STAB1: variants seen among roughly 807,000 people sequenced by gnomAD.
STAB1 encodes the protein stabilin 1, also known as stabilin-1.
A neutral mutation model predicts 332.4 loss-of-function variants in STAB1; 250 were observed. The ratio of observed to expected loss-of-function variants is 0.75; its 90% confidence interval spans 0.68 to 0.84. STAB1 has a LOEUF of 0.84. STAB1 is among the 40% of genes least tolerant of loss of function. The pLI is 0.00. For missense variants in STAB1, 3,249 were observed against 3,489.7 expected (o/e 0.93, Z 1.74); for synonymous variants, 1,475 against 1,390.4 (o/e 1.06, Z -1.35).
rs762823296 is a variant in STAB1, at chr3:52,517,634, C to A, written c.4638+10C>A. ...GGACCCCTGCTCTAAGGTCAGGACC[C>A]TAGTCCTGTCCTCCTTCACTGACGA... On this transcript the variant is annotated intron_variant, in intron 44 of 68. Transcript: ENST00000321725. 8.7e-6 allele frequency: 14 copies of A among 1,611,458 alleles called. No individual in the cohort carries two copies. The East Asian group carries it at 3.1e-4, about 36-fold the overall frequency.
chr3:52,518,058 T>C, intron 45 of STAB1, 55 bp downstream of exon 45: 1 of 1,554,600 alleles, frequency 6.4e-7, no homozygotes, highest in African/African-American at 1.4e-5. Flanking sequence ...CCCATGGGCC[T>C]GACCCATGGT....
chr3:52,520,827 C>A lies in STAB1; in HGVS notation c.5730C>A (p.Arg1910=). 1 of 1,612,724 alleles carries A rather than the reference C, an allele frequency of 6.2e-7. No individual in the cohort carries two copies. Among genetic ancestry groups the A allele is most frequent in the East Asian group, 2.2e-5 (1 of 44,898 alleles). ...AGGGCAGCCCTGAGGCCTGCTGGCG[C>A]TTCTACCCGAAGTTCTGGACGTCCC... ...QEQGSPEACW[R]FYPKFWTSPP... Residue 1910 remains arginine (R), a synonymous_variant, in exon 55 of 69, where the codon CGC becomes CGA. Coordinates refer to ENST00000321725, the MANE Select transcript of STAB1 (RefSeq NM_015136.3).
intron 65 of STAB1, 28 bp downstream of exon 65, chr3:52,523,604 T>C: frequency 6.2e-7 from 1 of 1,612,748 alleles, no homozygotes; most frequent in South Asian, 1.1e-5. Context: ...CCCACCCTGT[T>C]GGCCCTGGCC....
At chr3:52,506,271 G>C (rs1406921105) in intron 17 of STAB1, 21 bp downstream of exon 17, 8 of 1,600,530 alleles carry the variant, frequency 5.0e-6, no homozygotes, top group Non-Finnish European at 6.0e-6. Context: ...CGGACACCTG[G>C]GCGGATGGTG....
At position 52,514,587 on chromosome 3, in the gene STAB1, A is replaced by G. The variant is rs948850592; in HGVS notation, c.3678+91A>G. 21 of 1,556,194 alleles carry G rather than the reference A, an allele frequency of 1.3e-5. No homozygotes were observed. The Admixed American group carries it at 2.8e-4, about 21-fold the overall frequency. On this transcript the variant is annotated intron_variant, in intron 34 of 68. Coordinates refer to ENST00000321725, the MANE Select transcript of STAB1 (RefSeq NM_015136.3). Reference sequence around the variant, plus strand: ...GGAGTTTCCCTAGCTGTGAGCCTCCAACCTCTAACCTCTGCTCCAGGGAGC... The same window carrying G: ...GGAGTTTCCCTAGCTGTGAGCCTCCGACCTCTAACCTCTGCTCCAGGGAGC...
chr3:52,522,241 G>T lies in STAB1; in HGVS notation c.6465+11G>T, dbSNP rs778107472. On this transcript the variant is annotated intron_variant, in intron 59 of 68. Coordinates refer to ENST00000321725, the MANE Select transcript of STAB1 (RefSeq NM_015136.3). Reference sequence around the variant, plus strand: ...TTGAGCACCGGCCTGGTGAGCAGGTGGGGGAACCGAGTAGCCAGGGTGGGG... The same window carrying T: ...TTGAGCACCGGCCTGGTGAGCAGGTTGGGGAACCGAGTAGCCAGGGTGGGG... 1 of 1,612,138 alleles carries T rather than the reference G, an allele frequency of 6.2e-7. No individual in the cohort carries two copies.
intron 18 of STAB1, among the ~76,000 whole-genome samples, chr3:52,507,286 C>G (rs1708947775): frequency 6.6e-6 from 1 of 152,214 alleles, no homozygotes; most frequent in Non-Finnish European, 1.5e-5. Flanking sequence ...CTCAGGTGAT[C>G]CGCCCACCTC....
In STAB1 at chr3:52,513,930, G is replaced by A. The variant is rs1313882511; in HGVS notation, c.3396G>A (p.Leu1132=). ...ATGTGCCCGGTGGGCAGGGGTTGCT[G>A]CAGCAGCTGGACTTGGTGCCTGCCT... ...RGDVPGGQGL[L]QQLDLVPAFS... Residue 1132 remains leucine, a synonymous_variant, in exon 32 of 69, where the codon CTG becomes CTA. Transcript: ENST00000321725. The A allele has an allele frequency of 1.2e-6, 2 of 1,605,708 alleles. No homozygotes were observed. Among genetic ancestry groups the A allele is most frequent in the Non-Finnish European group, 1.7e-6 (2 of 1,174,520 alleles).
rs370672550 is a variant in STAB1 at position 52,510,529 on chromosome 3, G to A, written c.2787+22G>A. On this transcript the variant is annotated intron_variant, in intron 25 of 68. Transcript: ENST00000321725. ...GCAGGTGAGGTGCAGCAGAGAAGGG[G>A]TGGGGGCCTTGGTTCTGGGGGACTC... 71 of 1,606,686 alleles carry A rather than the reference G, an allele frequency of 4.4e-5. 1 individual carries two copies. In the African/African-American group the frequency reaches 7.5e-4, roughly 17 times the overall value.
At position 52,510,053 on chromosome 3, in the gene STAB1, C is replaced by T. The variant is rs774258494; in HGVS notation, c.2531C>T (p.Ala844Val). The T allele has an allele frequency of 1.2e-6, 2 of 1,609,988 alleles. No individual in the cohort carries two copies. The highest frequency in any genetic ancestry group is 1.7e-6 in the Non-Finnish European group (2 of 1,177,698). ...HARCVSQEGV[A>V]RCRCLDGFEG... Reference sequence around the variant, plus strand: ...CGCTGTGTTAGCCAGGAGGGTGTTGCCAGGTGAGGACCCACACCTTCTGTC... The same window carrying T: ...CGCTGTGTTAGCCAGGAGGGTGTTGTCAGGTGAGGACCCACACCTTCTGTC... Residue 844 changes from alanine to valine, a missense_variant, in exon 23 of 69, where the codon GCC (alanine) becomes GTC (valine). Transcript: ENST00000321725.
intron 45 of STAB1, 34 bp downstream of exon 45, chr3:52,518,037 C>G (rs1035419056): frequency 1.3e-5 from 21 of 1,577,364 alleles, no homozygotes; most frequent in African/African-American, 5.5e-5. Flanking sequence ...CTGATCTGGT[C>G]TTGGCTGTGC....
chr3:52,519,710 C>T, intron 50 of STAB1, 146 bp downstream of exon 50: 2 of 1,271,152 alleles, frequency 1.6e-6, no homozygotes, highest in Non-Finnish European at 2.2e-6. Flanking sequence ...GCACAAGCCA[C>T]ATCTGTGTGC....
At chr3:52,501,945 G>T in intron 3 of STAB1, 61 bp from the exon 4 acceptor site, 1 of 1,596,180 alleles carries the variant, frequency 6.3e-7, no homozygotes. Flanking sequence ...GGCCAGAGCT[G>T]CTGGGGTCAG....
In STAB1 at chr3:52,510,438, C is replaced by T. The variant is rs371806620; in HGVS notation, c.2718C>T (p.Asp906=). 4.4e-5 allele frequency: 71 copies of T among 1,613,670 alleles called. No homozygotes were observed. Among genetic ancestry groups the T allele is most frequent in the Admixed American group, 2.7e-4 (16 of 60,006 alleles). ...SGDGRVCVAI[D]ECELDMRGGC... ...ATGGCCGCGTCTGTGTGGCTATTGA[C>T]GAGTGTGAGCTGGACATGAGAGGTG... The change falls in exon 25 of 69, where the codon GAC becomes GAT. Residue 906 remains aspartate (D), a synonymous_variant. Transcript: ENST00000321725.
chr3:52,520,395 T>G lies in STAB1; in HGVS notation c.5500-5T>G. On this transcript the variant is annotated splice_region_variant and splice_polypyrimidine_tract_variant and intron_variant, in intron 52 of 68. Coordinates refer to ENST00000321725, the MANE Select transcript of STAB1 (RefSeq NM_015136.3). Reference sequence around the variant, plus strand: ...CCTTGCATACCTCATATTCTCTCCTTGCAGGGTGAGCTCATGGTGGGTGAG... The same window carrying G: ...CCTTGCATACCTCATATTCTCTCCTGGCAGGGTGAGCTCATGGTGGGTGAG... The G allele has an allele frequency of 1.9e-6, 3 of 1,611,894 alleles. No individual in the cohort carries two copies. The highest frequency in any genetic ancestry group is 2.5e-6 in the Non-Finnish European group (3 of 1,179,050).
intron 6 of STAB1, 97 bp downstream of exon 6, chr3:52,502,824 A>G: frequency 7.2e-7 from 1 of 1,382,274 alleles, no homozygotes; most frequent in South Asian, 1.3e-5. Flanking sequence ...CCTCAGCAGG[A>G]CCTCCGCCTG....
At chr3:52,517,216 T>A in intron 42 of STAB1, 104 bp from the exon 43 acceptor site, 1 of 1,249,870 alleles carries the variant, frequency 8.0e-7, no homozygotes, top group Non-Finnish European at 1.0e-6. Context: ...TTGTGGGGAC[T>A]GGGGGCGCTG....
At chr3:52,511,536 C>T in intron 25 of STAB1, 114 bp from the exon 26 acceptor site, 2 of 879,550 alleles carry the variant, frequency 2.3e-6, no homozygotes, top group Non-Finnish European at 1.7e-6. Flanking sequence ...AGAAGTTCCT[C>T]TGGGGTCTGG....
chr3:52,523,093 G>A lies in STAB1; in HGVS notation c.6979G>A (p.Asp2327Asn). ...CAGCACGTGCAATGGGAAGCTGCTG[G>A]ATGTGCTGGCTGCCACTGCCAACTT... ...GISTCNGKLL[D>N]VLAATANFST... Residue 2327 changes from aspartate (D) to asparagine (N), a missense_variant, in exon 63 of 69, where the codon GAT becomes AAT. Coordinates refer to ENST00000321725, the MANE Select transcript of STAB1 (RefSeq NM_015136.3). 6.4e-7 allele frequency: 1 copy of A among 1,574,492 alleles called. No homozygotes were observed. The highest frequency in any genetic ancestry group is 8.6e-7 in the Non-Finnish European group (1 of 1,158,748).
Sources: gnomAD v4.1 joint callset for allele counts (sites outside exome capture counted in the v4.1 genomes callset) on GRCh38, gnomAD v4.1.1 for gene constraint, MANE v1.5 for transcripts, NCBI Gene and HGNC (gene_info 2026-07-23, HGNC 2026-07-21) for gene names.